Variants in LRRC4C observed in about 807,000 individuals in gnomAD.
LRRC4C encodes leucine rich repeat containing 4C.
LRRC4C carries 5 observed loss-of-function variants against 33.6 expected under a neutral mutation model. That is an observed-to-expected ratio of 0.15 (90% CI 0.08 to 0.31). The LOEUF (loss-of-function observed/expected upper bound fraction) is 0.31. LRRC4C is among the 10% of genes least tolerant of loss of function. The pLI, the probability that LRRC4C is intolerant of heterozygous loss-of-function variation, is 1.00. For synonymous variants in LRRC4C, 329 were observed against 302.0 expected, an observed-to-expected ratio of 1.09 and a Z score of -0.93; for missense variants, 560 against 796.7, an observed-to-expected ratio of 0.70 and a Z score of 3.58.
At chr11:40,221,166 C>T (rs1864386595) in intron 5 of LRRC4C, among the ~76,000 whole-genome samples, 1 of 152,132 alleles carries the variant, frequency 6.6e-6, no homozygotes, top group Admixed American at 6.6e-5. Flanking sequence ...TTTTAAAATA[C>T]ACAATTATTA....
chr11:41,169,160 C>T (rs1311432882), intron 1 of LRRC4C, among the ~76,000 whole-genome samples: 1 of 152,170 alleles, frequency 6.6e-6, no homozygotes, highest in Admixed American at 6.5e-5. Flanking sequence ...AATATTCTCA[C>T]TATTCCTAGA....
intron 2 of LRRC4C, among the ~76,000 whole-genome samples, chr11:40,664,484 G>T (rs1943611581): frequency 6.6e-6 from 1 of 152,016 alleles, no homozygotes; most frequent in Non-Finnish European, 1.5e-5. Flanking sequence ...GGTGGAGGTT[G>T]CAGTGAGCCG....
intron 2 of LRRC4C, among the ~76,000 whole-genome samples, chr11:40,873,505 G>T (rs1441637862): frequency 6.6e-6 from 1 of 152,140 alleles, no homozygotes; most frequent in African/African-American, 2.4e-5. Flanking sequence ...CTGGACCTAA[G>T]GAATTTTGGT....
intron 1 of LRRC4C, among the ~76,000 whole-genome samples, chr11:41,097,318 A>T (rs1786473126): frequency 6.6e-6 from 1 of 152,190 alleles, no homozygotes; most frequent in Admixed American, 6.6e-5. Flanking sequence ...TGTGTTGTTG[A>T]TTGTCCTCTG....
chr11:40,985,838 A>G (rs1852949695), intron 1 of LRRC4C, among the ~76,000 whole-genome samples: 1 of 152,156 alleles, frequency 6.6e-6, no homozygotes, highest in African/African-American at 2.4e-5. Context: ...TGTAGAATAG[A>G]TAGTATTCAT....
At chr11:41,343,568 TGAA>T (rs1265250576) in intron 1 of LRRC4C, among the ~76,000 whole-genome samples, 4 of 152,178 alleles carry the variant, frequency 2.6e-5, no homozygotes, top group Admixed American at 2.6e-4. Context: ...AATCAGGAAA[TGAA>T]GAAAGAGTCT....
intron 1 of LRRC4C, among the ~76,000 whole-genome samples, chr11:41,277,494 A>C (rs921292617): frequency 6.6e-6 from 1 of 152,152 alleles, no homozygotes; most frequent in Non-Finnish European, 1.5e-5. Context: ...TAAGGATATG[A>C]GATTACTCAT....
intron 1 of LRRC4C, among the ~76,000 whole-genome samples, chr11:41,088,321 T>G (rs1372129297): frequency 6.6e-6 from 1 of 152,140 alleles, no homozygotes; most frequent in Non-Finnish European, 1.5e-5. Flanking sequence ...AAATAATGCC[T>G]ATTTCCTATT....
At chr11:40,470,725 C>A (rs1481444565) in intron 3 of LRRC4C, among the ~76,000 whole-genome samples, 1 of 152,028 alleles carries the variant, frequency 6.6e-6, no homozygotes, top group Non-Finnish European at 1.5e-5. Flanking sequence ...AGCACGAGAC[C>A]TTTGTGAAGC....
intron 1 of LRRC4C, among the ~76,000 whole-genome samples, chr11:41,121,340 G>C (rs1477417038): frequency 6.6e-6 from 1 of 152,042 alleles, no homozygotes; most frequent in Non-Finnish European, 1.5e-5. Flanking sequence ...ACACTGATTT[G>C]GGGTAGGCTT....
chr11:41,070,163 G>A (rs1375141183), intron 1 of LRRC4C, among the ~76,000 whole-genome samples: 1 of 152,130 alleles, frequency 6.6e-6, no homozygotes, highest in Non-Finnish European at 1.5e-5. Context: ...AACAAACAAT[G>A]GGGAAAGGAT....
chr11:40,968,659 T>C (rs540567768), intron 1 of LRRC4C, among the ~76,000 whole-genome samples: 2 of 152,296 alleles, frequency 1.3e-5, no homozygotes, highest in Admixed American at 6.5e-5. Flanking sequence ...ACTACTCTGC[T>C]TGTGTTTTAT....
chr11:40,523,130 C>T (rs1458077694), intron 3 of LRRC4C, among the ~76,000 whole-genome samples: 1 of 152,136 alleles, frequency 6.6e-6, no homozygotes, highest in African/African-American at 2.4e-5. Flanking sequence ...ATTGTTTTAA[C>T]AGTAGATAAA....
intron 2 of LRRC4C, among the ~76,000 whole-genome samples, chr11:40,700,464 T>G (rs1945812511): frequency 1.3e-5 from 2 of 152,126 alleles, no homozygotes; most frequent in Non-Finnish European, 2.9e-5. Flanking sequence ...TAGGTTAAAT[T>G]TATATATCAA....
chr11:40,767,735 A>G (rs76311038), intron 2 of LRRC4C, among the ~76,000 whole-genome samples: 1 of 152,236 alleles, frequency 6.6e-6, no homozygotes, highest in East Asian at 1.9e-4. Flanking sequence ...AAGTCAATGA[A>G]TAAATTAAGA....
chr11:40,860,400 ATGTTT>A (rs1954027972), intron 2 of LRRC4C, among the ~76,000 whole-genome samples: 1 of 5,770 alleles, frequency 1.7e-4, no homozygotes, highest in African/African-American at 2.5e-4. Context: ...CAGTGGAAAC[ATGTTT>A]CCTCTGAAAT....
At chr11:40,810,811 ATTG>A (rs1224750660) in intron 2 of LRRC4C, among the ~76,000 whole-genome samples, 4 of 152,130 alleles carry the variant, frequency 2.6e-5, no homozygotes, top group Admixed American at 1.3e-4. Flanking sequence ...CATTGTCACA[ATTG>A]TTGTTCACTA....
chr11:40,920,552 T>C (rs1189409963), intron 2 of LRRC4C, among the ~76,000 whole-genome samples: 1 of 152,170 alleles, frequency 6.6e-6, no homozygotes, highest in Non-Finnish European at 1.5e-5. Context: ...TTTTTGTAGC[T>C]AGGAAAGCAT....
At chr11:40,357,790 A>G (rs1947741262) in intron 3 of LRRC4C, among the ~76,000 whole-genome samples, 1 of 152,142 alleles carries the variant, frequency 6.6e-6, no homozygotes, top group Non-Finnish European at 1.5e-5. Flanking sequence ...TTCCTTGTAC[A>G]TGTTAAGGTT....
Sources: gnomAD v4.1 joint callset for allele counts (sites outside exome capture counted in the v4.1 genomes callset) on GRCh38, gnomAD v4.1.1 for gene constraint, MANE v1.5 for transcripts, NCBI Gene and HGNC (gene_info 2026-07-23, HGNC 2026-07-21) for gene names.